The following TBL1XR1 variants were observed in gnomAD, a reference collection of about 807,000 sequenced individuals.
TBL1XR1 encodes the protein F-box-like/WD repeat-containing protein TBL1XR1.
In TBL1XR1, 5 loss-of-function variants were observed where a neutral mutation model predicts 66.9. That is an observed-to-expected ratio of 0.07 (90% CI 0.04 to 0.16). The LOEUF (loss-of-function observed/expected upper bound fraction) is 0.16. Among genes scored for constraint, TBL1XR1 ranks in the 10% least tolerant of loss-of-function variants. The pLI is 1.00. For missense variants in TBL1XR1, 238 were observed against 623.2 expected (o/e 0.38, Z 6.58); for synonymous variants, 210 against 206.0 (o/e 1.02, Z -0.17).
At chr3:177,062,002 C>T (rs751916398) in intron 3 of TBL1XR1, among the ~76,000 whole-genome samples, 64 of 152,308 alleles carry the variant, frequency 4.2e-4, no homozygotes, top group Admixed American at 2.7e-3. Context: ...TATCTGAACC[C>T]TGTCCTGAGT....
At chr3:177,032,915 C>T (rs2108407201) in intron 14 of TBL1XR1, 56 bp downstream of exon 14, 3 of 1,391,768 alleles carry the variant, frequency 2.2e-6, no homozygotes, top group Non-Finnish European at 2.9e-6. Flanking sequence ...AGTGTATAGG[C>T]AAATGCTTCT....
intron 1 of TBL1XR1, among the ~76,000 whole-genome samples, chr3:177,146,607 A>AAAAAAAAAAAAAAAAG (rs1230752188): frequency 6.7e-6 from 1 of 149,338 alleles, no homozygotes; most frequent in Non-Finnish European, 1.5e-5. Context: ...AAAAAAAAAA[A>AAAAAAAAAAAAAAAAG]GTTGTATTCA....
chr3:177,072,188 T>C (rs1158236419), intron 2 of TBL1XR1, among the ~76,000 whole-genome samples: 1 of 152,232 alleles, frequency 6.6e-6, no homozygotes, highest in African/African-American at 2.4e-5. Flanking sequence ...TAAAATCAGA[T>C]ACGGTATTCT....
At chr3:177,131,490 C>G in intron 1 of TBL1XR1, 10 of 523,014 alleles carry the variant, frequency 1.9e-5, no homozygotes, top group Non-Finnish European at 2.4e-5. Flanking sequence ...ATTAAAAAAA[C>G]ACATTGTCAT....
chr3:177,112,107 A>ATATATATATATT, intron 1 of TBL1XR1, among the ~76,000 whole-genome samples: 13 of 37,644 alleles, frequency 3.5e-4, no homozygotes, highest in Non-Finnish European at 4.9e-4. Context: ...ATATATATAT[A>ATATATATATATT]TTTTTTTTTT....
At chr3:177,145,529 A>G (rs1265334695) in intron 1 of TBL1XR1, among the ~76,000 whole-genome samples, 1 of 152,194 alleles carries the variant, frequency 6.6e-6, no homozygotes. Flanking sequence ...TCCTTTAGAC[A>G]AAGCTCTATA....
chr3:177,112,328 G>C (rs1334600059), intron 1 of TBL1XR1, among the ~76,000 whole-genome samples: 1 of 151,170 alleles, frequency 6.6e-6, no homozygotes, highest in Non-Finnish European at 1.5e-5. Flanking sequence ...GGCTGGTCTA[G>C]AACTCCTAAC....
At chr3:177,196,682 G>A (rs1229164897) in intron 1 of TBL1XR1, among the ~76,000 whole-genome samples, 1 of 151,936 alleles carries the variant, frequency 6.6e-6, no homozygotes, top group East Asian at 1.9e-4. Flanking sequence ...TAAAGGAGTC[G>A]GCCTCATGAT....
intron 1 of TBL1XR1, among the ~76,000 whole-genome samples, chr3:177,118,304 TG>T (rs1374247023): frequency 6.6e-6 from 1 of 152,214 alleles, no homozygotes; most frequent in Non-Finnish European, 1.5e-5. Flanking sequence ...GGACAAGCAC[TG>T]TGAACAAACA....
intron 3 of TBL1XR1, among the ~76,000 whole-genome samples, chr3:177,055,567 G>A (rs1183730083): frequency 6.7e-6 from 1 of 148,228 alleles, no homozygotes; most frequent in Non-Finnish European, 1.5e-5. Flanking sequence ...GGGTGGGGGG[G>A]TGGGGGCGGA....
At chr3:177,189,649 C>CAA (rs761647251) in intron 1 of TBL1XR1, among the ~76,000 whole-genome samples, 40 of 45,218 alleles carry the variant, frequency 8.8e-4, no homozygotes, top group African/African-American at 2.6e-3. Flanking sequence ...GACTCCATCT[C>CAA]AAAAAAAAAA....
At chr3:177,056,823 ACC>A (rs1717859988) in intron 3 of TBL1XR1, among the ~76,000 whole-genome samples, 1 of 151,906 alleles carries the variant, frequency 6.6e-6, no homozygotes, top group Non-Finnish European at 1.5e-5. Flanking sequence ...CTACCACTCT[ACC>A]ATCTGTAGAT....
Position 177,064,904 on chromosome 3 carries a change from T to G in TBL1XR1, c.58+16A>C. The G allele has an allele frequency of 6.8e-7, 1 of 1,478,838 alleles. No individual in the cohort carries two copies. Among genetic ancestry groups the G allele is most frequent in the Non-Finnish European group, 9.2e-7 (1 of 1,092,074 alleles). 91.6% of individuals were successfully genotyped at this position (1,478,838 alleles called of 1,614,324 possible). ...TAAAATAATTTGAGGCCTATTTACTTTATAAAAGTACTCACCTGACTCTTG... is the reference window on the plus strand; with the variant it reads ...TAAAATAATTTGAGGCCTATTTACTGTATAAAAGTACTCACCTGACTCTTG... On this transcript the variant is annotated intron_variant, in intron 3 of 15. Coordinates refer to ENST00000457928, the MANE Select transcript of TBL1XR1 (RefSeq NM_024665.7).
At chr3:177,192,158 G>A (rs977997513) in intron 1 of TBL1XR1, among the ~76,000 whole-genome samples, 11 of 151,834 alleles carry the variant, frequency 7.2e-5, no homozygotes, top group African/African-American at 2.7e-4. Context: ...AGCACTTTGG[G>A]AGGCCAAAGC....
At chr3:177,187,818 T>C (rs1577431350) in intron 1 of TBL1XR1, among the ~76,000 whole-genome samples, 1 of 146,072 alleles carries the variant, frequency 6.8e-6, no homozygotes, top group African/African-American at 2.5e-5. Flanking sequence ...ATACCGAAGA[T>C]ATCAAATAGA....
chr3:177,037,817 G>A, intron 12 of TBL1XR1: 1 of 227,148 alleles, frequency 4.4e-6, no homozygotes, highest in Non-Finnish European at 8.2e-6. Context: ...TCTTCTTATT[G>A]GTTCTGTTTC....
chr3:177,048,469 T>A (rs16827769), intron 7 of TBL1XR1, among the ~76,000 whole-genome samples: 2,885 of 152,238 alleles, frequency 0.019, 103 homozygotes, highest in African/African-American at 0.067. Flanking sequence ...TATGGCTAAG[T>A]GACAAACAAA....
intron 1 of TBL1XR1, among the ~76,000 whole-genome samples, chr3:177,146,460 G>GT (rs1465952994): frequency 6.6e-6 from 1 of 150,798 alleles, no homozygotes; most frequent in Non-Finnish European, 1.5e-5. Context: ...GTAATTTTTT[G>GT]TATTTTTAGT....
intron 1 of TBL1XR1, among the ~76,000 whole-genome samples, chr3:177,175,976 G>A (rs1486352837): frequency 6.6e-6 from 1 of 151,086 alleles, no homozygotes; most frequent in Non-Finnish European, 1.5e-5. Flanking sequence ...AGAATGGCGG[G>A]TGAACCCAGG....
Sources: allele counts gnomAD v4.1 joint callset (sites outside exome capture counted in the v4.1 genomes callset), GRCh38; gene constraint gnomAD v4.1.1; transcripts MANE v1.5; gene names NCBI Gene and HGNC (gene_info 2026-07-23, HGNC 2026-07-21).